EFHC2: variants seen among roughly 807,000 people sequenced by gnomAD.
EFHC2 encodes EF-hand domain containing 2, also known as EF-hand domain-containing family member C2.
In EFHC2, 18 loss-of-function variants were observed where a neutral mutation model predicts 52.7. The observed-to-expected ratio is 0.34, with a 90% confidence interval of 0.24 to 0.51. The LOEUF is 0.51. Among genes scored for constraint, EFHC2 ranks in the 20% least tolerant of loss-of-function variants. The probability of loss-of-function intolerance (pLI) is 0.97; values close to 1 mark genes in which losing one functional copy is unlikely to be tolerated. For missense variants in EFHC2, 513 were observed against 562.5 expected (o/e 0.91, Z 0.89); for synonymous variants, 203 against 204.1 (o/e 0.99, Z 0.04).
intron 11 of EFHC2, among the ~76,000 whole-genome samples, chrX:44,180,710 C>T (rs1031324606): frequency 1.9e-5 from 2 of 107,397 alleles, no homozygotes; most frequent in Non-Finnish European, 3.9e-5. Context: ...TGCACTCCAG[C>T]CTGGGTGACA....
At chrX:44,226,392 G>A (rs898228373) in intron 11 of EFHC2, among the ~76,000 whole-genome samples, 4 of 111,257 alleles carry the variant, frequency 3.6e-5, no homozygotes, top group African/African-American at 9.8e-5. Flanking sequence ...GGGAGAGGTC[G>A]AGAGAGGGGA....
intron 1 of EFHC2, among the ~76,000 whole-genome samples, chrX:44,320,769 G>A (rs1000039547): frequency 1.5e-4 from 17 of 110,112 alleles, no homozygotes; most frequent in African/African-American, 5.0e-4. Flanking sequence ...CGAAACAGTA[G>A]TCTGCAGTCA....
intron 8 of EFHC2, among the ~76,000 whole-genome samples, chrX:44,237,204 C>T (rs1395047709): frequency 9.0e-6 from 1 of 111,554 alleles, no homozygotes; most frequent in Non-Finnish European, 1.9e-5. Flanking sequence ...TAGCTCACAT[C>T]TCCAGAAACC....
At chrX:44,230,214 C>T (rs1602165222) in intron 10 of EFHC2, among the ~76,000 whole-genome samples, 1 of 111,569 alleles carries the variant, frequency 9.0e-6, no homozygotes, top group East Asian at 2.8e-4. Context: ...AGGCAACGCA[C>T]TGATGAGAGC....
At chrX:44,160,539 T>C (rs1379160705) in intron 14 of EFHC2, among the ~76,000 whole-genome samples, 3 of 111,726 alleles carry the variant, frequency 2.7e-5, no homozygotes, top group East Asian at 2.8e-4. Flanking sequence ...TCAAACTCAA[T>C]AGTCATCAGG....
intron 4 of EFHC2, among the ~76,000 whole-genome samples, chrX:44,254,324 T>C (rs968199550): frequency 1.8e-5 from 2 of 111,832 alleles, no homozygotes; most frequent in Non-Finnish European, 3.8e-5. Context: ...CTAACTCCTC[T>C]GAGCTAAAGG....
At chrX:44,155,628 T>A (rs2036601291) in intron 14 of EFHC2, among the ~76,000 whole-genome samples, 1 of 112,095 alleles carries the variant, frequency 8.9e-6, no homozygotes, top group South Asian at 3.7e-4. Flanking sequence ...GATTTCACCA[T>A]GTTACTCCCC....
At chrX:44,318,409 A>T (rs1459563752) in intron 1 of EFHC2, among the ~76,000 whole-genome samples, 1 of 112,329 alleles carries the variant, frequency 8.9e-6, no homozygotes, top group Non-Finnish European at 1.9e-5. Flanking sequence ...CTTACCGGGT[A>T]CAGGTTTCCT....
At chrX:44,317,829 G>A (rs778050212) in intron 1 of EFHC2, among the ~76,000 whole-genome samples, 112 of 112,797 alleles carry the variant, frequency 9.9e-4, no homozygotes, top group African/African-American at 3.2e-3. Context: ...CTGTGATAAC[G>A]CTTCACATTC....
At chrX:44,236,120 T>C (rs2037318619) in intron 8 of EFHC2, among the ~76,000 whole-genome samples, 1 of 111,701 alleles carries the variant, frequency 9.0e-6, no homozygotes, top group Non-Finnish European at 1.9e-5. Context: ...TCTAATATAA[T>C]ACTTTTTACA....
Position 44,343,623 on chromosome X carries a change from G to A in EFHC2, c.-35C>T, listed in dbSNP as rs1471483842. ...TGTCCGAAAATCCAGGGTCCCAGAA[G>A]AGAGGGCCCGGCAGGCAGCGGCGCC... On this transcript the variant is annotated 5_prime_UTR_variant, in exon 1 of 15. Coordinates refer to ENST00000420999, the MANE Select transcript of EFHC2 (RefSeq NM_025184.4). The A allele has an allele frequency of 8.8e-7, 1 of 1,132,042 alleles. No homozygotes were observed. Among genetic ancestry groups the A allele is most frequent in the Admixed American group, 2.8e-5 (1 of 35,490 alleles). The allele number at this position is 1,132,042 out of a possible 1,213,427, so 93.3% of individuals were successfully genotyped here.
intron 2 of EFHC2, among the ~76,000 whole-genome samples, chrX:44,303,869 A>AT (rs2037885527): frequency 9.0e-6 from 1 of 111,588 alleles, no homozygotes; most frequent in African/African-American, 3.3e-5. Context: ...AAGAAATAAT[A>AT]TTTTCAAATG....
intron 8 of EFHC2, among the ~76,000 whole-genome samples, chrX:44,237,816 T>C (rs2037331575): frequency 9.0e-6 from 1 of 111,505 alleles, no homozygotes; most frequent in Non-Finnish European, 1.9e-5. Context: ...TAGTCTCCTT[T>C]GTTGGTTCCT....
At chrX:44,343,445 A>G in intron 1 of EFHC2, 102 bp downstream of exon 1, 2 of 1,050,293 alleles carry the variant, frequency 1.9e-6, no homozygotes, top group Non-Finnish European at 2.6e-6. Context: ...GGGCAGCAGC[A>G]TGGGGCCTCC....
At chrX:44,257,393 C>T (rs1209112456) in intron 4 of EFHC2, among the ~76,000 whole-genome samples, 1 of 111,717 alleles carries the variant, frequency 9.0e-6, no homozygotes, top group Non-Finnish European at 1.9e-5. Flanking sequence ...TAGAAAACCC[C>T]ATCATCTCAG....
At chrX:44,272,421 G>A (rs2037624158) in intron 3 of EFHC2, among the ~76,000 whole-genome samples, 1 of 112,052 alleles carries the variant, frequency 8.9e-6, no homozygotes, top group African/African-American at 3.2e-5. Context: ...GCACAGGAGA[G>A]TTTACTCATA....
intron 11 of EFHC2, among the ~76,000 whole-genome samples, chrX:44,226,487 T>C (rs374572695): frequency 1.8e-5 from 2 of 111,719 alleles, no homozygotes; most frequent in East Asian, 2.8e-4. Flanking sequence ...TCCTAGCTGC[T>C]ACTTTATGAA....
intron 3 of EFHC2, among the ~76,000 whole-genome samples, chrX:44,262,315 C>T (rs995801281): frequency 5.6e-5 from 6 of 106,712 alleles, no homozygotes; most frequent in African/African-American, 2.1e-4. Flanking sequence ...GGCAACATGG[C>T]AAAATCCTGT....
At chrX:44,276,753 T>C (rs1326122211) in intron 2 of EFHC2, among the ~76,000 whole-genome samples, 1 of 112,580 alleles carries the variant, frequency 8.9e-6, no homozygotes, top group African/African-American at 3.2e-5. Flanking sequence ...CTTAAAATGT[T>C]TGAAAATGAT....
Sources: allele counts gnomAD v4.1 joint callset (sites outside exome capture counted in the v4.1 genomes callset), GRCh38; gene constraint gnomAD v4.1.1; transcripts MANE v1.5; gene names NCBI Gene and HGNC (gene_info 2026-07-23, HGNC 2026-07-21).